Variants in MB21D2 observed in about 807,000 individuals in gnomAD.
MB21D2 encodes nucleotidyltransferase MB21D2.
MB21D2 carries 9 observed loss-of-function variants against 33.3 expected under a neutral mutation model. The ratio of observed to expected loss-of-function variants is 0.27; its 90% confidence interval spans 0.16 to 0.47. The LOEUF is 0.47. Among genes scored for constraint, MB21D2 ranks in the 20% least tolerant of loss-of-function variants. The pLI is 0.99. For synonymous variants in MB21D2, 241 were observed against 236.3 expected, an observed-to-expected ratio of 1.02 and a Z score of -0.18; for missense variants, 540 against 624.6, an observed-to-expected ratio of 0.86 and a Z score of 1.44.
intron 1 of MB21D2, among the ~76,000 whole-genome samples, chr3:192,860,706 A>G (rs1456076471): frequency 6.6e-6 from 1 of 152,170 alleles, no homozygotes; most frequent in East Asian, 1.9e-4. Flanking sequence ...TCAAGTCTTG[A>G]GAAAACGCAA....
At chr3:192,808,019 G>C (rs1711703697) in intron 1 of MB21D2, among the ~76,000 whole-genome samples, 1 of 152,154 alleles carries the variant, frequency 6.6e-6, no homozygotes, top group Non-Finnish European at 1.5e-5. Context: ...CAGATGGGTA[G>C]AGCAAGCCAT....
chr3:192,798,788 C>A lies in MB21D2; in HGVS notation c.1074G>T (p.Leu358Phe). 3.7e-6 allele frequency: 6 copies of A among 1,612,332 alleles called. No individual in the cohort carries two copies. The highest frequency in any genetic ancestry group is 5.1e-6 in the Non-Finnish European group (6 of 1,179,704). The change falls in exon 2 of 2, where the codon TTG (leucine) becomes TTT (phenylalanine). Residue 358 changes from leucine (L) to phenylalanine (F), a missense_variant. Leu to Phe is a conservative substitution (Grantham distance 22). Transcript: ENST00000392452. This position sits in a 1 kb window ranked among gnomAD's most constrained non-coding sequence, Gnocchi z 4.8. ...LAQEDYAAHF[L>F]LGLIDDLQHC... ...GTTGCAGGTCATCGATGAGGCCCAG[C>A]AAAAAGTGGGCTGCATAGTCTTCTT... is the stretch of plus-strand genomic sequence containing the variant.
In MB21D2 at chr3:192,905,649, A is replaced by G. The variant is rs1170894373; in HGVS notation, c.211+11981T>C. Among the ~76,000 whole-genome samples, 330 of 149,586 alleles carry G rather than the reference A, an allele frequency of 2.2e-3. 3 individuals are homozygous for G. Among genetic ancestry groups the G allele is most frequent in the African/African-American group, 7.5e-3 (303 of 40,568 alleles). ...ACGCCCTGTCTCAAAAAAAAAAAAAAAAAAAGAAAAAGAAAAGAAAAGAAA... is the reference window on the plus strand; with the variant it reads ...ACGCCCTGTCTCAAAAAAAAAAAAAGAAAAAGAAAAAGAAAAGAAAAGAAA... On this transcript the variant is annotated intron_variant, in intron 1 of 1. Transcript: ENST00000392452.
intron 1 of MB21D2, among the ~76,000 whole-genome samples, chr3:192,826,948 G>A (rs1289528853): frequency 2.0e-5 from 3 of 150,808 alleles, no homozygotes; most frequent in Non-Finnish European, 4.4e-5. Context: ...CTGGAGTGCA[G>A]TGGTGGAATC....
intron 1 of MB21D2, among the ~76,000 whole-genome samples, chr3:192,842,794 G>A (rs1712601801): frequency 6.6e-6 from 1 of 152,140 alleles, no homozygotes. Flanking sequence ...TGGTTCTTTG[G>A]GAAGTGGACA....
chr3:192,894,323 G>C (rs1430149953), intron 1 of MB21D2, among the ~76,000 whole-genome samples: 4 of 151,886 alleles, frequency 2.6e-5, no homozygotes, highest in African/African-American at 9.7e-5. Flanking sequence ...TAGAGACGAG[G>C]CTTCACCATG....
At chr3:192,820,831 CA>C (rs1712032128) in intron 1 of MB21D2, among the ~76,000 whole-genome samples, 1 of 152,170 alleles carries the variant, frequency 6.6e-6, no homozygotes, top group Non-Finnish European at 1.5e-5. Context: ...ACGGTGTGAT[CA>C]CGGCTCACTC....
intron 1 of MB21D2, among the ~76,000 whole-genome samples, chr3:192,804,904 G>GA (rs1444305619): frequency 2.0e-4 from 30 of 152,166 alleles, no homozygotes; most frequent in African/African-American, 6.8e-4. Flanking sequence ...CTTTTTCTAA[G>GA]AAAGTCACTA....
intron 1 of MB21D2, among the ~76,000 whole-genome samples, chr3:192,894,915 T>C (rs1713932469): frequency 6.6e-6 from 1 of 152,226 alleles, no homozygotes; most frequent in Non-Finnish European, 1.5e-5. Flanking sequence ...CAAACATTGA[T>C]AAAGAAATCT....
intron 1 of MB21D2, among the ~76,000 whole-genome samples, chr3:192,817,471 T>A (rs1336204249): frequency 2.0e-5 from 3 of 152,106 alleles, no homozygotes; most frequent in African/African-American, 4.8e-5. Flanking sequence ...AAGAAACAGA[T>A]ATACTGATTT....
Position 192,814,589 on chromosome 3 carries a change from G to A in MB21D2, c.212-14939C>T, listed in dbSNP as rs761938973. On this transcript the variant is annotated intron_variant, in intron 1 of 1. Coordinates refer to ENST00000392452, the MANE Select transcript of MB21D2 (RefSeq NM_178496.4). ...CAATTAAAAAAAGTCTTGGGCGGGC[G>A]CGGTGGCTCACACCTGTAATCCCAG... 1.5e-4 allele frequency among the ~76,000 whole-genome samples: 23 copies of A among 152,200 alleles called. 1 individual carries two copies. Among genetic ancestry groups the A allele is most frequent in the East Asian group, 1.4e-3 (7 of 5,172 alleles).
At chr3:192,858,251 A>T (rs1712962914) in intron 1 of MB21D2, among the ~76,000 whole-genome samples, 1 of 152,206 alleles carries the variant, frequency 6.6e-6, no homozygotes. Flanking sequence ...AGGCCAAAAA[A>T]GAGAAAAGAG....
intron 1 of MB21D2, among the ~76,000 whole-genome samples, chr3:192,807,449 C>A (rs1466065359): frequency 6.6e-6 from 1 of 152,082 alleles, no homozygotes; most frequent in African/African-American, 2.4e-5. Context: ...CCCAAGAACC[C>A]ATAAGCTTGT....
At chr3:192,889,043 T>C (rs1375046443) in intron 1 of MB21D2, among the ~76,000 whole-genome samples, 2 of 151,962 alleles carry the variant, frequency 1.3e-5, no homozygotes, top group African/African-American at 4.8e-5. Context: ...GGGAGGAGCA[T>C]GGAAAGAACC....
intron 1 of MB21D2, among the ~76,000 whole-genome samples, chr3:192,872,752 C>T (rs1033604891): frequency 2.0e-5 from 3 of 152,118 alleles, no homozygotes; most frequent in African/African-American, 7.2e-5. Context: ...CCAGTCAGGA[C>T]AGCAAAACAT....
chr3:192,850,574 G>A (rs1398463115), intron 1 of MB21D2, among the ~76,000 whole-genome samples: 1 of 152,134 alleles, frequency 6.6e-6, no homozygotes, highest in Admixed American at 6.5e-5. Context: ...GTCCCTGCCT[G>A]CACAGGCCAG....
At chr3:192,886,022 G>A (rs941622220) in intron 1 of MB21D2, among the ~76,000 whole-genome samples, 14 of 152,040 alleles carry the variant, frequency 9.2e-5, no homozygotes, top group East Asian at 1.9e-4. Context: ...GTACAGTGGC[G>A]CGATCTCGGC....
intron 1 of MB21D2, among the ~76,000 whole-genome samples, chr3:192,912,783 C>T (rs1714383700): frequency 6.6e-6 from 1 of 152,198 alleles, no homozygotes; most frequent in Admixed American, 6.5e-5. Context: ...ATTGCTACTA[C>T]AGTAAAAGGA....
chr3:192,869,962 T>C (rs1227237911), intron 1 of MB21D2, among the ~76,000 whole-genome samples: 1 of 152,168 alleles, frequency 6.6e-6, no homozygotes, highest in African/African-American at 2.4e-5. Flanking sequence ...AAAAATAAAC[T>C]GCATATCAAT....
Sources: gnomAD v4.1 joint callset for allele counts (sites outside exome capture counted in the v4.1 genomes callset) on GRCh38, gnomAD v4.1.1 for gene constraint, Gnocchi (gnomAD v3.1) non-coding constraint, MANE v1.5 for transcripts, NCBI Gene and HGNC (gene_info 2026-07-23, HGNC 2026-07-21) for gene names.